Variants in GOLM2 observed in about 807,000 individuals in gnomAD.
The protein encoded by GOLM2 is protein GOLM2.
In GOLM2, 26 loss-of-function variants were observed where a neutral mutation model predicts 55.9. That is an observed-to-expected ratio of 0.47 (90% CI 0.34 to 0.65). GOLM2 has a LOEUF of 0.65. Among genes scored for constraint, GOLM2 ranks in the 30% least tolerant of loss-of-function variants. The pLI is 0.01. For missense variants in GOLM2, 486 were observed against 531.8 expected (o/e 0.91, Z 0.85); for synonymous variants, 165 against 194.6 (o/e 0.85, Z 1.27).
At chr15:44,395,250 C>T (rs140026205) in intron 8 of GOLM2, among the ~76,000 whole-genome samples, 1,608 of 151,056 alleles carry the variant, frequency 0.011, 32 homozygotes, top group African/African-American at 0.037. Flanking sequence ...CCTCGTGATC[C>T]GCCCGCCTCA....
intron 6 of GOLM2, 88 bp from the exon 7 acceptor site, chr15:44,379,602 A>G (rs1022109237): frequency 1.3e-6 from 1 of 743,484 alleles, no homozygotes. Flanking sequence ...AGTGCAATGT[A>G]AATTGATTCA....
intron 8 of GOLM2, among the ~76,000 whole-genome samples, chr15:44,394,466 T>C (rs1307213640): frequency 6.6e-6 from 1 of 152,240 alleles, no homozygotes; most frequent in Admixed American, 6.5e-5. Flanking sequence ...GCTACCATGC[T>C]TCTTTCATTT....
intron 6 of GOLM2, among the ~76,000 whole-genome samples, chr15:44,364,112 G>T (rs1405861242): frequency 6.6e-6 from 1 of 152,112 alleles, no homozygotes; most frequent in African/African-American, 2.4e-5. Flanking sequence ...GTTAGTGGGT[G>T]CCGCGCACCA....
intron 6 of GOLM2, among the ~76,000 whole-genome samples, chr15:44,370,549 C>T (rs1337072246): frequency 1.3e-5 from 2 of 152,154 alleles, no homozygotes; most frequent in Non-Finnish European, 2.9e-5. Flanking sequence ...GGCACTAGAA[C>T]AAACCCCAAC....
intron 8 of GOLM2, among the ~76,000 whole-genome samples, chr15:44,383,020 T>C (rs1281155426): frequency 2.0e-5 from 3 of 151,352 alleles, no homozygotes; most frequent in Non-Finnish European, 2.9e-5. Flanking sequence ...TTGAAATCAA[T>C]GCATGCACAA....
chr15:44,319,688 A>G (rs551474812), intron 1 of GOLM2, among the ~76,000 whole-genome samples: 1 of 152,224 alleles, frequency 6.6e-6, no homozygotes, highest in South Asian at 2.1e-4. Context: ...TTAGGGCTCA[A>G]TCAGTCCTCC....
intron 8 of GOLM2, chr15:44,387,529 G>A (rs527354310): frequency 3.3e-5 from 5 of 151,576 alleles, no homozygotes; most frequent in African/African-American, 9.8e-5. Flanking sequence ...TTCGGAGACC[G>A]AGGTGGGTGG....
chr15:44,378,344 C>G (rs1003427030), intron 6 of GOLM2, among the ~76,000 whole-genome samples: 1 of 149,946 alleles, frequency 6.7e-6, no homozygotes, highest in Non-Finnish European at 1.5e-5. Flanking sequence ...CGTGAGCCAC[C>G]GCGCCAGGAC....
chr15:44,407,483 C>T (rs1161074230), intron 9 of GOLM2, among the ~76,000 whole-genome samples: 1 of 151,718 alleles, frequency 6.6e-6, no homozygotes, highest in African/African-American at 2.4e-5. Flanking sequence ...CCCATGTTTC[C>T]CAGGCTGGTC....
intron 4 of GOLM2, among the ~76,000 whole-genome samples, chr15:44,335,977 A>G (rs1054274996): frequency 2.7e-5 from 4 of 149,530 alleles, no homozygotes; most frequent in Non-Finnish European, 5.9e-5. Context: ...ACCATGCCCG[A>G]CTAATTTTTG....
At chr15:44,339,239 G>A (rs1377948454) in intron 6 of GOLM2, among the ~76,000 whole-genome samples, 2 of 151,964 alleles carry the variant, frequency 1.3e-5, no homozygotes, top group East Asian at 3.9e-4. Context: ...CTAAAATAAA[G>A]GTAAGGACAA....
intron 1 of GOLM2, among the ~76,000 whole-genome samples, chr15:44,315,767 G>T (rs2078905359): frequency 6.6e-6 from 1 of 152,068 alleles, no homozygotes; most frequent in Admixed American, 6.6e-5. Flanking sequence ...TATTATAGAT[G>T]GACTCAAAAT....
intron 2 of GOLM2, among the ~76,000 whole-genome samples, chr15:44,326,242 A>G (rs1216575735): frequency 1.3e-5 from 2 of 151,202 alleles, no homozygotes; most frequent in Non-Finnish European, 3.0e-5. Flanking sequence ...ATCCTGGGCA[A>G]CAGAGCTAGA....
intron 8 of GOLM2, among the ~76,000 whole-genome samples, chr15:44,401,159 TG>T (rs2079562663): frequency 6.6e-6 from 1 of 152,232 alleles, no homozygotes; most frequent in African/African-American, 2.4e-5. Context: ...TTGCGTAGGC[TG>T]GGGTGCAGTG....
intron 4 of GOLM2, 67 bp downstream of exon 4, chr15:44,332,145 A>T: frequency 1.1e-6 from 1 of 880,452 alleles, no homozygotes; most frequent in African/African-American, 1.7e-5. Context: ...TAGAAATTAA[A>T]ATTATAATTT....
chr15:44,326,459 C>A (rs2078981439), intron 2 of GOLM2, among the ~76,000 whole-genome samples: 1 of 151,368 alleles, frequency 6.6e-6, no homozygotes, highest in Non-Finnish European at 1.5e-5. Flanking sequence ...TCGTTATTGC[C>A]ACAGTTATAA....
intron 4 of GOLM2, among the ~76,000 whole-genome samples, chr15:44,335,441 C>T (rs932164204): frequency 6.6e-6 from 1 of 152,140 alleles, no homozygotes; most frequent in African/African-American, 2.4e-5. Flanking sequence ...TCTTTGTTAA[C>T]TATTTTCAAT....
chr15:44,315,122 G>A (rs937877272), intron 1 of GOLM2, among the ~76,000 whole-genome samples: 21 of 152,280 alleles, frequency 1.4e-4, no homozygotes, highest in African/African-American at 4.8e-4. Context: ...CAGACTGGAA[G>A]TAGAATATGT....
chr15:44,377,637 G>A (rs972133781), intron 6 of GOLM2, among the ~76,000 whole-genome samples: 10 of 152,130 alleles, frequency 6.6e-5, no homozygotes, highest in Non-Finnish European at 1.0e-4. Flanking sequence ...GTCTTTCAAA[G>A]TGCTGGAATT....
Sources: allele counts gnomAD v4.1 joint callset (sites outside exome capture counted in the v4.1 genomes callset), GRCh38; gene constraint gnomAD v4.1.1; transcripts MANE v1.5; gene names NCBI Gene and HGNC (gene_info 2026-07-23, HGNC 2026-07-21).